Variants in ALKBH8 observed in about 807,000 individuals in gnomAD.
The protein encoded by ALKBH8 is tRNA (carboxymethyluridine(34)-5-O)-methyltransferase ALKBH8.
A neutral mutation model predicts 59.8 loss-of-function variants in ALKBH8; 36 were observed. The observed-to-expected ratio is 0.60, with a 90% CI of 0.46 to 0.79. ALKBH8 has a LOEUF of 0.79. ALKBH8 is among the 30% of genes least tolerant of loss of function. The pLI, the probability that ALKBH8 is intolerant of heterozygous loss-of-function variation, is 0.00. For missense variants in ALKBH8, 768 were observed against 801.0 expected (o/e 0.96, Z 0.50); for synonymous variants, 276 against 273.6 (o/e 1.01, Z -0.09).
At chr11:107,544,830 C>T (rs1040362604) in intron 7 of ALKBH8, among the ~76,000 whole-genome samples, 1 of 147,324 alleles carries the variant, frequency 6.8e-6, no homozygotes, top group Non-Finnish European at 1.5e-5. Flanking sequence ...CACACACACA[C>T]ACACACACAC....
intron 10 of ALKBH8, among the ~76,000 whole-genome samples, chr11:107,518,886 G>C (rs1020699128): frequency 6.6e-6 from 1 of 152,166 alleles, no homozygotes; most frequent in Non-Finnish European, 1.5e-5. Context: ...TTGTGTGTGT[G>C]TCTTTAATTC....
At chr11:107,543,196 G>A (rs906267155) in intron 7 of ALKBH8, among the ~76,000 whole-genome samples, 13 of 152,048 alleles carry the variant, frequency 8.5e-5, no homozygotes, top group Non-Finnish European at 1.8e-4. Context: ...AATCAGCCAC[G>A]CGTGGTGGTG....
At chr11:107,510,717 A>G (rs1028640100) in intron 11 of ALKBH8, among the ~76,000 whole-genome samples, 170 bp downstream of exon 11, 1 of 152,250 alleles carries the variant, frequency 6.6e-6, no homozygotes, top group Non-Finnish European at 1.5e-5. Flanking sequence ...ATACTTAAAC[A>G]GTTGCCCATC....
intron 7 of ALKBH8, among the ~76,000 whole-genome samples, chr11:107,541,136 T>C (rs1864016955): frequency 6.6e-6 from 1 of 152,194 alleles, no homozygotes; most frequent in South Asian, 2.1e-4. Flanking sequence ...TCACTTAATA[T>C]AGCATCTACC....
intron 1 of ALKBH8, among the ~76,000 whole-genome samples, chr11:107,562,181 C>A (rs2135597756): frequency 6.6e-6 from 1 of 152,146 alleles, no homozygotes; most frequent in South Asian, 2.1e-4. Context: ...CACCTGTAGT[C>A]CCAACTACTT....
intron 7 of ALKBH8, among the ~76,000 whole-genome samples, chr11:107,540,589 T>C (rs1863995160): frequency 6.6e-6 from 1 of 152,214 alleles, no homozygotes; most frequent in Non-Finnish European, 1.5e-5. Flanking sequence ...AATGCTTAGC[T>C]TAAATGCCTA....
chr11:107,510,587 T>A (rs1051254059), intron 11 of ALKBH8, among the ~76,000 whole-genome samples: 7 of 152,118 alleles, frequency 4.6e-5, no homozygotes, highest in Non-Finnish European at 8.8e-5. Context: ...CCAGCTAAAA[T>A]TCTGTGACTC....
intron 2 of ALKBH8, among the ~76,000 whole-genome samples, chr11:107,559,728 ATTAATAT>A (rs1221551969): frequency 1.3e-5 from 2 of 152,214 alleles, no homozygotes; most frequent in Non-Finnish European, 1.5e-5. Context: ...CTCTGAAGAC[ATTAATAT>A]TTAACTCCAA....
intron 7 of ALKBH8, among the ~76,000 whole-genome samples, chr11:107,546,090 T>C (rs183902759): frequency 1.2e-4 from 19 of 152,320 alleles, no homozygotes; most frequent in Admixed American, 2.6e-4. Flanking sequence ...AGTTGTAATA[T>C]AACCTAAAAA....
rs1363801558 is a variant in ALKBH8 at position 107,514,541 on chromosome 11, G to A, written c.1288-3505C>T. Reference sequence around the variant, plus strand: ...TACTAAGGGCCTATTAATAACAATAGTGACATGATTCCCAATTAATTGCTC... The same window carrying A: ...TACTAAGGGCCTATTAATAACAATAATGACATGATTCCCAATTAATTGCTC... On this transcript the variant is annotated intron_variant, in intron 10 of 11. Transcript: ENST00000428149. Among the ~76,000 whole-genome samples, 2 of 152,156 alleles carry A rather than the reference G, an allele frequency of 1.3e-5. 1 individual carries two copies. Among genetic ancestry groups the A allele is most frequent in the East Asian group, 3.9e-4 (2 of 5,194 alleles).
chr11:107,506,593 A>G (rs1318535566), intron 11 of ALKBH8, among the ~76,000 whole-genome samples: 1 of 152,178 alleles, frequency 6.6e-6, no homozygotes, highest in Non-Finnish European at 1.5e-5. Context: ...ATTTACAAAG[A>G]TAAGTATTAA....
At chr11:107,551,402 G>C (rs1446248344) in intron 6 of ALKBH8, among the ~76,000 whole-genome samples, 1 of 152,096 alleles carries the variant, frequency 6.6e-6, no homozygotes, top group Non-Finnish European at 1.5e-5. Flanking sequence ...TAAAAATAAT[G>C]TATTTGCTTG....
chr11:107,523,602 CTTTTT>C (rs58698577), intron 9 of ALKBH8, among the ~76,000 whole-genome samples: 5 of 97,068 alleles, frequency 5.2e-5, no homozygotes, highest in Admixed American at 1.1e-4. Flanking sequence ...AGAATAAATT[CTTTTT>C]TTTTTTTTTT....
intron 8 of ALKBH8, among the ~76,000 whole-genome samples, chr11:107,526,139 T>A (rs1185709944): frequency 3.3e-5 from 5 of 152,018 alleles, no homozygotes; most frequent in African/African-American, 1.2e-4. Context: ...ATTGGTGGGT[T>A]TTAACAGGTA....
intron 3 of ALKBH8, among the ~76,000 whole-genome samples, chr11:107,556,095 C>A (rs61583659): frequency 1.3e-5 from 2 of 152,068 alleles, no homozygotes; most frequent in African/African-American, 2.4e-5. Flanking sequence ...CTGGCCAACA[C>A]GGTGAAACCC....
At chr11:107,543,634 C>A (rs1213996887) in intron 7 of ALKBH8, among the ~76,000 whole-genome samples, 1 of 152,090 alleles carries the variant, frequency 6.6e-6, no homozygotes, top group Non-Finnish European at 1.5e-5. Flanking sequence ...AATCACTGTG[C>A]CAGTTACCCT....
chr11:107,515,646 G>A (rs186834490), intron 10 of ALKBH8, among the ~76,000 whole-genome samples: 5 of 152,128 alleles, frequency 3.3e-5, no homozygotes, highest in South Asian at 2.1e-4. Context: ...TATGACCCAC[G>A]GTGCCCAGCC....
At chr11:107,526,155 G>A (rs1054762353) in intron 8 of ALKBH8, among the ~76,000 whole-genome samples, 1 of 151,896 alleles carries the variant, frequency 6.6e-6, no homozygotes, top group Non-Finnish European at 1.5e-5. Context: ...AGGTAATAAC[G>A]AGTGAAATTG....
At chr11:107,512,976 G>A (rs1006663103) in intron 10 of ALKBH8, among the ~76,000 whole-genome samples, 2 of 152,136 alleles carry the variant, frequency 1.3e-5, no homozygotes, top group Non-Finnish European at 2.9e-5. Flanking sequence ...ATACCATTCT[G>A]GACATAGGCT....
Sources: allele counts gnomAD v4.1 joint callset (sites outside exome capture counted in the v4.1 genomes callset), GRCh38; gene constraint gnomAD v4.1.1; transcripts MANE v1.5; gene names NCBI Gene and HGNC (gene_info 2026-07-23, HGNC 2026-07-21).